The following CDKAL1 variants were observed in gnomAD, a reference collection of about 807,000 sequenced individuals.
The protein encoded by CDKAL1 is CDKAL1 threonylcarbamoyladenosine tRNA methylthiotransferase.
In CDKAL1, 32 loss-of-function variants were observed where a neutral mutation model predicts 68.2. The observed-to-expected ratio is 0.47, with a 90% CI of 0.35 to 0.63. The LOEUF (loss-of-function observed/expected upper bound fraction) is 0.63. Ranked by LOEUF, CDKAL1 falls within the 30% of genes least tolerant of loss-of-function variation. The probability of loss-of-function intolerance (pLI) is 0.00; values close to 1 mark genes in which losing one functional copy is unlikely to be tolerated. For synonymous variants in CDKAL1, 234 were observed against 244.3 expected (o/e 0.96, Z 0.39); for missense variants, 606 against 696.7 (o/e 0.87, Z 1.47).
chr6:20,719,521 T>C (rs1053836921), intron 5 of CDKAL1, among the ~76,000 whole-genome samples: 3 of 152,200 alleles, frequency 2.0e-5, no homozygotes, highest in African/African-American at 7.2e-5. Context: ...CATAGGAAGG[T>C]TGAAAAGACT....
At chr6:21,102,497 G>A (rs1271619286) in intron 12 of CDKAL1, among the ~76,000 whole-genome samples, 1 of 152,104 alleles carries the variant, frequency 6.6e-6, no homozygotes, top group South Asian at 2.1e-4. Flanking sequence ...TTGCATCTTA[G>A]TAAGCCCTTG....
chr6:20,912,940 A>G (rs1762530915), intron 9 of CDKAL1, among the ~76,000 whole-genome samples: 1 of 152,112 alleles, frequency 6.6e-6, no homozygotes. Flanking sequence ...AAAGAAATAT[A>G]TCAATTTATT....
At chr6:20,642,932 C>T (rs1768257570) in intron 4 of CDKAL1, among the ~76,000 whole-genome samples, 1 of 100,340 alleles carries the variant, frequency 1.0e-5, no homozygotes, top group Admixed American at 1.1e-4. Context: ...ACAACAACAA[C>T]AACAACAACA....
Position 21,149,933 on chromosome 6 carries a change from G to C in CDKAL1, c.1299+41470G>C, listed in dbSNP as rs1157682783. On this transcript the variant is annotated intron_variant, in intron 13 of 15. Coordinates refer to ENST00000274695, the MANE Select transcript of CDKAL1 (RefSeq NM_017774.3). ...AGTGCAGTGGCGCTGTCTCGGCTCA[G>C]TGCAAGCTCCGCCTCCTGGGTTCAC... Among the ~76,000 whole-genome samples the C allele has an allele frequency of 5.3e-5, 8 of 152,160 alleles. No individual in the cohort carries two copies. In the South Asian group the frequency reaches 1.0e-3, roughly 20 times the overall value.
intron 4 of CDKAL1, among the ~76,000 whole-genome samples, chr6:20,639,932 G>A (rs1282754352): frequency 3.9e-5 from 6 of 152,272 alleles, no homozygotes; most frequent in African/African-American, 1.4e-4. Flanking sequence ...GCCTCCCAGA[G>A]TGCTGGGATT....
rs1165884695 is a variant in CDKAL1, at chr6:20,777,100, CTA to C, written c.518-4043_518-4042del. 9.2e-5 allele frequency among the ~76,000 whole-genome samples: 14 copies of C among 152,290 alleles called. 1 individual carries two copies. In the East Asian group the frequency reaches 2.7e-3, roughly 29 times the overall value. ...GGGAATTCTGGGAGCTGAGCTAGCG[CTA>C]TGAGGCTTGTGAAACTCTCCACATA... On this transcript the variant is annotated intron_variant, in intron 7 of 15. Coordinates refer to ENST00000274695, the MANE Select transcript of CDKAL1 (RefSeq NM_017774.3).
At chr6:21,165,049 T>C (rs951369300) in intron 13 of CDKAL1, among the ~76,000 whole-genome samples, 1 of 152,216 alleles carries the variant, frequency 6.6e-6, no homozygotes, top group African/African-American at 2.4e-5. Context: ...CTTCCCCAGG[T>C]GTCTCTTCAA....
intron 5 of CDKAL1, among the ~76,000 whole-genome samples, chr6:20,697,477 A>T (rs1462476785): frequency 6.6e-6 from 1 of 152,192 alleles, no homozygotes; most frequent in Non-Finnish European, 1.5e-5. Context: ...TGTATAATTT[A>T]AGCAAAAACT....
At chr6:20,883,289 T>A (rs1760911650) in intron 9 of CDKAL1, among the ~76,000 whole-genome samples, 1 of 152,234 alleles carries the variant, frequency 6.6e-6, no homozygotes, top group Non-Finnish European at 1.5e-5. Context: ...ATACGTTGTC[T>A]TCCCAGTTGT....
intron 4 of CDKAL1, among the ~76,000 whole-genome samples, chr6:20,601,579 G>A (rs1409902172): frequency 2.0e-5 from 3 of 152,092 alleles, no homozygotes; most frequent in South Asian, 2.1e-4. Flanking sequence ...CTCTGTTAGC[G>A]TGCTGGTAGT....
At chr6:20,617,335 T>C (rs1189501154) in intron 4 of CDKAL1, among the ~76,000 whole-genome samples, 1 of 152,120 alleles carries the variant, frequency 6.6e-6, no homozygotes, top group Non-Finnish European at 1.5e-5. Flanking sequence ...AATAATAAAA[T>C]TGTGATCAGT....
At chr6:20,621,339 T>C (rs1485626841) in intron 4 of CDKAL1, among the ~76,000 whole-genome samples, 1 of 152,168 alleles carries the variant, frequency 6.6e-6, no homozygotes, top group East Asian at 1.9e-4. Context: ...CACCACATCA[T>C]ATCCTGGGTA....
intron 9 of CDKAL1, among the ~76,000 whole-genome samples, chr6:20,878,797 G>A (rs1254392554): frequency 6.6e-6 from 1 of 150,394 alleles, no homozygotes; most frequent in Non-Finnish European, 1.5e-5. Flanking sequence ...ATCCCCCTTC[G>A]GCAGGGCATG....
rs115557831 is a variant in CDKAL1 at position 20,666,240 on chromosome 6, C to G, written c.371+16863C>G. Among the ~76,000 whole-genome samples the G allele has an allele frequency of 4.8e-3, 727 of 151,002 alleles. 1 individual carries two copies. The highest frequency in any genetic ancestry group is 0.027 in the Middle Eastern group (8 of 292). On this transcript the variant is annotated intron_variant, in intron 5 of 15. Coordinates refer to ENST00000274695, the MANE Select transcript of CDKAL1 (RefSeq NM_017774.3). The stretch of plus-strand genomic sequence containing the variant: ...ATTCTTACCAGTGCTCAGGGAAATA[C>G]AGACCAAGTGAGATATTGGTTTTTG...
At chr6:21,113,303 T>G (rs1350225906) in intron 13 of CDKAL1, among the ~76,000 whole-genome samples, 1 of 152,166 alleles carries the variant, frequency 6.6e-6, no homozygotes, top group Non-Finnish European at 1.5e-5. Flanking sequence ...AACTGCTGCT[T>G]CTTAATAAGG....
At chr6:20,706,317 A>C (rs929973260) in intron 5 of CDKAL1, among the ~76,000 whole-genome samples, 1 of 152,180 alleles carries the variant, frequency 6.6e-6, no homozygotes, top group East Asian at 1.9e-4. Context: ...GTGAAATAGA[A>C]GAAGGGGAAG....
At chr6:20,594,020 A>G (rs1765709169) in intron 4 of CDKAL1, among the ~76,000 whole-genome samples, 1 of 152,138 alleles carries the variant, frequency 6.6e-6, no homozygotes, top group Non-Finnish European at 1.5e-5. Flanking sequence ...TTCTAATTTG[A>G]TTGCACTGTG....
intron 5 of CDKAL1, among the ~76,000 whole-genome samples, chr6:20,663,257 T>C (rs1011562215): frequency 1.8e-4 from 28 of 152,048 alleles, no homozygotes; most frequent in African/African-American, 5.8e-4. Context: ...GTTTTTATAC[T>C]GCACACATTG....
At chr6:21,087,885 C>T (rs1772783324) in intron 12 of CDKAL1, among the ~76,000 whole-genome samples, 1 of 152,168 alleles carries the variant, frequency 6.6e-6, no homozygotes. Context: ...CACCATCAAC[C>T]TGTCCCTCTG....
Sources: allele counts gnomAD v4.1 joint callset (sites outside exome capture counted in the v4.1 genomes callset), GRCh38; gene constraint gnomAD v4.1.1; transcripts MANE v1.5; gene names NCBI Gene and HGNC (gene_info 2026-07-23, HGNC 2026-07-21).